TRIQK: variants seen among roughly 807,000 people sequenced by gnomAD.
TRIQK encodes the protein triple QxxK/R motif-containing protein.
In TRIQK, 10 loss-of-function variants were observed where a neutral mutation model predicts 10.8. The ratio of observed to expected loss-of-function variants is 0.92; its 90% confidence interval spans 0.57 to 1.57. The LOEUF (loss-of-function observed/expected upper bound fraction) is 1.57. Ranked by LOEUF, TRIQK falls within the 40% of genes most tolerant of loss-of-function variation. TRIQK has a pLI of 0.00. For missense variants in TRIQK, 107 were observed against 97.7 expected, an observed-to-expected ratio of 1.09 and a Z score of -0.40; for synonymous variants, 33 against 33.7, an observed-to-expected ratio of 0.98 and a Z score of 0.07.
intron 1 of TRIQK, among the ~76,000 whole-genome samples, chr8:92,988,613 C>G (rs1004220003): frequency 2.0e-5 from 3 of 152,176 alleles, no homozygotes; most frequent in Non-Finnish European, 4.4e-5. Context: ...CTCTGCTCTA[C>G]TTAACCCTCA....
At chr8:92,977,784 T>G (rs1184276451) in intron 1 of TRIQK, among the ~76,000 whole-genome samples, 1 of 152,170 alleles carries the variant, frequency 6.6e-6, no homozygotes, top group Non-Finnish European at 1.5e-5. Context: ...CATACAAATA[T>G]TCTTGAGCTT....
At chr8:93,013,086 T>C (rs1175042198) in intron 1 of TRIQK, among the ~76,000 whole-genome samples, 1 of 152,162 alleles carries the variant, frequency 6.6e-6, no homozygotes, top group African/African-American at 2.4e-5. Flanking sequence ...GTTTTCAGGA[T>C]TACTCATGGT....
rs949048031 is a variant in TRIQK, at chr8:92,886,115, G to A, written c.*507C>T. 6.6e-6 allele frequency: 1 copy of A among 151,870 alleles called. No individual in the cohort carries two copies. The highest frequency in any genetic ancestry group is 2.4e-5 in the African/African-American group (1 of 41,382). The allele number at this position is 151,870 out of a possible 1,614,324, so 9.4% of individuals were successfully genotyped here. A position where few individuals can be genotyped will look rare whatever the true frequency, so the allele number is the denominator to read the frequency against. On this transcript the variant is annotated 3_prime_UTR_variant, in exon 5 of 5. Transcript: ENST00000521988. ...AAGAAGGAAAAAGATTATGGTAGAT[G>A]TATGTGCAGATAGTCTCTCTAATGA... is the stretch of plus-strand genomic sequence containing the variant.
intron 1 of TRIQK, among the ~76,000 whole-genome samples, chr8:93,013,349 T>A (rs564296706): frequency 6.6e-6 from 1 of 152,302 alleles, no homozygotes; most frequent in African/African-American, 2.4e-5. Context: ...GATGGTTAGC[T>A]TCTTGTGGTT....
chr8:92,892,927 G>T (rs1329010439), intron 3 of TRIQK, among the ~76,000 whole-genome samples: 2 of 151,954 alleles, frequency 1.3e-5, no homozygotes, highest in Admixed American at 1.3e-4. Flanking sequence ...GAGTCAAAAT[G>T]AGCCTCAAAC....
At chr8:92,989,748 TCA>T (rs1813076984) in intron 1 of TRIQK, among the ~76,000 whole-genome samples, 1 of 152,160 alleles carries the variant, frequency 6.6e-6, no homozygotes, top group South Asian at 2.1e-4. Context: ...AAACCATCCC[TCA>T]GCCTGGTCCA....
At chr8:93,016,117 T>C (rs1223554356) in intron 1 of TRIQK, among the ~76,000 whole-genome samples, 2 of 152,156 alleles carry the variant, frequency 1.3e-5, no homozygotes, top group Non-Finnish European at 2.9e-5. Flanking sequence ...AAGATTTACT[T>C]GCAAAGAGCT....
intron 1 of TRIQK, among the ~76,000 whole-genome samples, chr8:92,971,957 C>T (rs1019067904): frequency 2.6e-5 from 4 of 152,170 alleles, no homozygotes; most frequent in Admixed American, 1.3e-4. Context: ...TTACTAGGCT[C>T]ATACACATCT....
intron 2 of TRIQK, among the ~76,000 whole-genome samples, chr8:92,946,954 AT>A (rs1684855763): frequency 6.6e-6 from 1 of 151,230 alleles, no homozygotes; most frequent in South Asian, 2.1e-4. Context: ...TTTAGTAGAG[AT>A]GGGGTTTCAC....
chr8:92,888,783 A>C (rs950044746), intron 4 of TRIQK, among the ~76,000 whole-genome samples: 1 of 151,574 alleles, frequency 6.6e-6, no homozygotes, highest in Non-Finnish European at 1.5e-5. Flanking sequence ...TATTTTATTT[A>C]TGTAACAAAA....
At chr8:92,899,448 G>T (rs1808802127) in intron 3 of TRIQK, among the ~76,000 whole-genome samples, 1 of 151,360 alleles carries the variant, frequency 6.6e-6, no homozygotes. Flanking sequence ...CTATTTCCAT[G>T]AGTTCAATTG....
chr8:93,004,612 T>C (rs1586529234), intron 1 of TRIQK, among the ~76,000 whole-genome samples: 1 of 152,372 alleles, frequency 6.6e-6, no homozygotes, highest in African/African-American at 2.4e-5. Flanking sequence ...TTTCCAAACT[T>C]GTATGCTCTT....
chr8:92,960,830 A>C (rs1323750752), intron 1 of TRIQK: 1 of 152,220 alleles, frequency 6.6e-6, no homozygotes, highest in Non-Finnish European at 1.5e-5. Flanking sequence ...CTTCTGAACC[A>C]CAGAACTGTC....
chr8:92,917,353 C>T (rs1809919034), intron 2 of TRIQK, among the ~76,000 whole-genome samples: 1 of 151,914 alleles, frequency 6.6e-6, no homozygotes, highest in Non-Finnish European at 1.5e-5. Flanking sequence ...CTTTTGGCAA[C>T]ATGCTTATTT....
chr8:93,007,389 A>G (rs545961858), intron 1 of TRIQK, among the ~76,000 whole-genome samples: 1 of 152,364 alleles, frequency 6.6e-6, no homozygotes, highest in East Asian at 1.9e-4. Flanking sequence ...TAGCAGCCTC[A>G]AAGATCAAAG....
At chr8:92,899,790 T>C (rs1405199237) in intron 3 of TRIQK, among the ~76,000 whole-genome samples, 1 of 152,186 alleles carries the variant, frequency 6.6e-6, no homozygotes, top group East Asian at 1.9e-4. Context: ...CTGGATCATC[T>C]GGTAGCTCTA....
intron 2 of TRIQK, among the ~76,000 whole-genome samples, chr8:92,949,370 T>C (rs1308035765): frequency 6.6e-6 from 1 of 152,146 alleles, no homozygotes; most frequent in Non-Finnish European, 1.5e-5. Context: ...AGAATACCTA[T>C]CTCACATGGC....
chr8:93,005,261 T>A (rs1056062464), intron 1 of TRIQK, among the ~76,000 whole-genome samples: 1 of 152,176 alleles, frequency 6.6e-6, no homozygotes, highest in African/African-American at 2.4e-5. Context: ...GCAAGCACAT[T>A]TTCTTGTGGG....
chr8:92,984,540 A>G (rs1469393954), intron 1 of TRIQK, among the ~76,000 whole-genome samples: 1 of 152,170 alleles, frequency 6.6e-6, no homozygotes, highest in African/African-American at 2.4e-5. Context: ...TAATCTAACT[A>G]TTCATCAAAG....
Sources: gnomAD v4.1 joint callset for allele counts (sites outside exome capture counted in the v4.1 genomes callset) on GRCh38, gnomAD v4.1.1 for gene constraint, MANE v1.5 for transcripts, NCBI Gene and HGNC (gene_info 2026-07-23, HGNC 2026-07-21) for gene names.